Variants in BCLAF1 observed in about 807,000 individuals in gnomAD.
BCLAF1 encodes bcl-2-associated transcription factor 1.
BCLAF1 carries 10 observed loss-of-function variants against 99.5 expected under a neutral mutation model. That is an observed-to-expected ratio of 0.10 (90% CI 0.06 to 0.17). BCLAF1 has a LOEUF of 0.17. Among genes scored for constraint, BCLAF1 ranks in the 10% least tolerant of loss-of-function variants. The probability of loss-of-function intolerance (pLI) is 1.00; values close to 1 mark genes in which losing one functional copy is unlikely to be tolerated. For synonymous variants in BCLAF1, 255 were observed against 370.9 expected, an observed-to-expected ratio of 0.69 and a Z score of 3.59; for missense variants, 636 against 1,105.8, an observed-to-expected ratio of 0.58 and a Z score of 6.02.
At chr6:136,275,276 T>C (rs1275767673) in intron 6 of BCLAF1, among the ~76,000 whole-genome samples, 1 of 152,128 alleles carries the variant, frequency 6.6e-6, no homozygotes, top group Non-Finnish European at 1.5e-5. Context: ...CAAATCTACA[T>C]CATGTTCTAC....
At chr6:136,266,027 C>T (rs2128469426) in intron 11 of BCLAF1, among the ~76,000 whole-genome samples, 1 of 152,136 alleles carries the variant, frequency 6.6e-6, no homozygotes, top group East Asian at 1.9e-4. Context: ...AAACATTATG[C>T]ATAACGCACT....
chr6:136,284,188 T>C (rs1784806769), intron 1 of BCLAF1, among the ~76,000 whole-genome samples: 1 of 145,148 alleles, frequency 6.9e-6, no homozygotes, highest in Admixed American at 6.8e-5. Context: ...CCAGATCTCT[T>C]TACTCCGTCA....
intron 2 of BCLAF1, among the ~76,000 whole-genome samples, chr6:136,281,065 G>A (rs1784332021): frequency 1.3e-5 from 2 of 152,216 alleles, no homozygotes; most frequent in African/African-American, 4.8e-5. Flanking sequence ...TATAGAAGAA[G>A]TAATGGTAAT....
intron 11 of BCLAF1, among the ~76,000 whole-genome samples, chr6:136,264,368 A>G (rs1486388811): frequency 6.6e-6 from 1 of 151,986 alleles, no homozygotes; most frequent in Non-Finnish European, 1.5e-5. Context: ...CACCACGCTC[A>G]GCTAATTTTC....
At chr6:136,270,993 CAAAA>C (rs953519679) in intron 8 of BCLAF1, among the ~76,000 whole-genome samples, 4 of 150,566 alleles carry the variant, frequency 2.7e-5, no homozygotes, top group Admixed American at 2.0e-4. Flanking sequence ...AATAACAGAA[CAAAA>C]AAAAACCTTG....
rs1562238207 is a variant in BCLAF1, at chr6:136,268,348, TA to T, written c.2220-10del. 1 of 1,583,586 alleles carries T rather than the reference TA, an allele frequency of 6.3e-7. No homozygotes were observed. The highest frequency in any genetic ancestry group is 1.2e-5 in the South Asian group (1 of 86,134). On this transcript the variant is annotated splice_polypyrimidine_tract_variant and intron_variant, in intron 9 of 12. Coordinates refer to ENST00000531224, the MANE Select transcript of BCLAF1 (RefSeq NM_014739.3). Reference sequence around the variant, plus strand: ...GCTCTCTTTTATGTTTACTGCAAAATAAAGAAAACAAAAAATGTGATACTTT... The same window carrying T: ...GCTCTCTTTTATGTTTACTGCAAAATAAGAAAACAAAAAATGTGATACTTT...
intron 8 of BCLAF1, among the ~76,000 whole-genome samples, chr6:136,271,543 T>C (rs112648226): frequency 1.1e-4 from 16 of 152,048 alleles, no homozygotes; most frequent in African/African-American, 3.4e-4. Flanking sequence ...AACCAGTTCT[T>C]AGAATGCTTA....
chr6:136,266,380 A>G (rs1468540327), intron 11 of BCLAF1, among the ~76,000 whole-genome samples: 1 of 152,108 alleles, frequency 6.6e-6, no homozygotes, highest in Admixed American at 6.6e-5. Context: ...GTCCACCTCT[A>G]TAATGCAGGA....
chr6:136,279,889 T>C lies in BCLAF1; in HGVS notation c.-10-13A>G, dbSNP rs774520398. On this transcript the variant is annotated splice_polypyrimidine_tract_variant and intron_variant, in intron 2 of 12. Coordinates refer to ENST00000531224, the MANE Select transcript of BCLAF1 (RefSeq NM_014739.3). ...CATTTCTTTTCTCCTAATCAAATGA[T>C]AGGGCAAAAAAAGGTTAAAATTACA... The C allele has an allele frequency of 3.4e-6, 5 of 1,460,634 alleles. No individual in the cohort carries two copies. Among genetic ancestry groups the C allele is most frequent in the Admixed American group, 2.3e-5 (1 of 42,886 alleles). 90.5% of individuals were successfully genotyped at this position (1,460,634 alleles called of 1,614,324 possible).
intron 8 of BCLAF1, among the ~76,000 whole-genome samples, chr6:136,270,582 A>C (rs907101370): frequency 6.6e-6 from 1 of 151,870 alleles, no homozygotes. Flanking sequence ...AAAAAAATCT[A>C]ATCAAGAGCA....
chr6:136,271,887 A>T, intron 8 of BCLAF1, 108 bp downstream of exon 8: 1 of 766,552 alleles, frequency 1.3e-6, no homozygotes, highest in Non-Finnish European at 2.2e-6. Flanking sequence ...GTTATGAATT[A>T]AAAGTAGAAG....
chr6:136,272,287 T>C (rs1782646664), intron 7 of BCLAF1, among the ~76,000 whole-genome samples: 1 of 151,924 alleles, frequency 6.6e-6, no homozygotes, highest in East Asian at 1.9e-4. Flanking sequence ...GATATTTTTA[T>C]ATAGAAGTGA....
At chr6:136,287,287 G>C (rs1270308717) in intron 1 of BCLAF1, among the ~76,000 whole-genome samples, 1 of 152,162 alleles carries the variant, frequency 6.6e-6, no homozygotes, top group African/African-American at 2.4e-5. Context: ...TCCAGCCCGG[G>C]CTACAGAGCG....
rs1780873814 is a variant in BCLAF1 at position 136,260,878 on chromosome 6, T to C, written c.*232A>G. 1.6e-5 allele frequency: 8 copies of C among 493,540 alleles called. No homozygotes were observed. Among genetic ancestry groups the C allele is most frequent in the Admixed American group, 1.2e-4 (3 of 25,722 alleles). 30.6% of individuals were successfully genotyped at this position (493,540 alleles called of 1,614,324 possible). ...ACAAAAACGTTAAAAGTTTTAAAAGTTGATAGTTACAAATATGGTACGTAA... is the reference window on the plus strand; with the variant it reads ...ACAAAAACGTTAAAAGTTTTAAAAGCTGATAGTTACAAATATGGTACGTAA... On this transcript the variant is annotated 3_prime_UTR_variant, in exon 13 of 13. Coordinates refer to ENST00000531224, the MANE Select transcript of BCLAF1 (RefSeq NM_014739.3).
At chr6:136,263,693 T>C (rs1251095300) in intron 11 of BCLAF1, among the ~76,000 whole-genome samples, 2 of 152,096 alleles carry the variant, frequency 1.3e-5, no homozygotes, top group Non-Finnish European at 2.9e-5. Context: ...AAAACTCCAA[T>C]CCTGAACCCC....
intron 11 of BCLAF1, among the ~76,000 whole-genome samples, chr6:136,262,224 G>A (rs943235860): frequency 8.5e-5 from 13 of 152,144 alleles, no homozygotes; most frequent in Non-Finnish European, 1.6e-4. Flanking sequence ...CTTTGTAGAT[G>A]AGTAGAGATG....
At chr6:136,281,581 C>T (rs1271908345) in intron 2 of BCLAF1, among the ~76,000 whole-genome samples, 2 of 152,190 alleles carry the variant, frequency 1.3e-5, no homozygotes, top group East Asian at 3.8e-4. Flanking sequence ...TAATCAGACA[C>T]ACTATAAAAA....
In BCLAF1 at chr6:136,276,250, A is replaced by G; in HGVS notation, c.1275T>C (p.Thr425=). The change falls in exon 5 of 13, where the codon ACT becomes ACC. Residue 425 remains threonine (T), a synonymous_variant. Transcript: ENST00000531224. ...VLADQGKSFA[T]ASHRNTEEEG... is the part of the protein sequence containing the mutation. ...CCTCCTCAGTATTCCGGTGAGATGC[A>G]GTAGCAAAACTTTTACCCTGATCTG... is the stretch of plus-strand genomic sequence containing the variant. 6.2e-7 allele frequency: 1 copy of G among 1,605,514 alleles called. No individual in the cohort carries two copies. Among genetic ancestry groups the G allele is most frequent in the South Asian group, 1.1e-5 (1 of 90,102 alleles).
chr6:136,288,231 G>C (rs1177520672), intron 1 of BCLAF1, among the ~76,000 whole-genome samples: 1 of 152,148 alleles, frequency 6.6e-6, no homozygotes, highest in East Asian at 1.9e-4. Context: ...ACTAAGAGAA[G>C]GTGCTCCAAG....
Sources: gnomAD v4.1 joint callset for allele counts (sites outside exome capture counted in the v4.1 genomes callset) on GRCh38, gnomAD v4.1.1 for gene constraint, MANE v1.5 for transcripts, NCBI Gene and HGNC (gene_info 2026-07-23, HGNC 2026-07-21) for gene names.